CACNA2D3: variants seen among roughly 807,000 people sequenced by gnomAD.
CACNA2D3 encodes voltage-dependent calcium channel subunit alpha-2/delta-3.
In CACNA2D3, 60 loss-of-function variants were observed where a neutral mutation model predicts 160.6. The ratio of observed to expected loss-of-function variants is 0.37; its 90% CI spans 0.30 to 0.46. The LOEUF is 0.46. Among genes scored for constraint, CACNA2D3 ranks in the 20% least tolerant of loss-of-function variants. CACNA2D3 has a pLI of 1.00. For synonymous variants in CACNA2D3, 558 were observed against 492.9 expected (o/e 1.13, Z -1.75); for missense variants, 1,205 against 1,365.0 (o/e 0.88, Z 1.85).
chr3:54,813,851 G>C lies in CACNA2D3; in HGVS notation c.1381-3002G>C, dbSNP rs1399607008. Among the ~76,000 whole-genome samples, 3 of 150,070 alleles carry C rather than the reference G, an allele frequency of 2.0e-5. No individual in the cohort carries two copies. The East Asian group carries it at 5.9e-4, about 30-fold the overall frequency. ...TTATTTATAACAAATTCTGCTATTT[G>C]GTTATAATATTCTTTTTTTTTTTTT... On this transcript the variant is annotated intron_variant, in intron 13 of 37. Transcript: ENST00000474759.
chr3:54,152,473 A>G (rs1700170288), intron 2 of CACNA2D3, among the ~76,000 whole-genome samples: 2 of 152,240 alleles, frequency 1.3e-5, no homozygotes, highest in African/African-American at 4.8e-5. Flanking sequence ...TGAACAGTCT[A>G]GCAAATAGTA....
At chr3:54,449,322 CTA>C (rs1333921309) in intron 4 of CACNA2D3, among the ~76,000 whole-genome samples, 13 of 152,166 alleles carry the variant, frequency 8.5e-5, no homozygotes, top group East Asian at 1.9e-4. Context: ...GAATTTATCT[CTA>C]TGTGTAGCTG....
chr3:54,939,923 G>C (rs1215769951), intron 27 of CACNA2D3, among the ~76,000 whole-genome samples: 1 of 152,230 alleles, frequency 6.6e-6, no homozygotes, highest in Non-Finnish European at 1.5e-5. Context: ...GAAGAAAGTG[G>C]AAGTGGAATG....
At chr3:54,767,171 TA>T (rs540045766) in intron 13 of CACNA2D3, among the ~76,000 whole-genome samples, 23 of 152,030 alleles carry the variant, frequency 1.5e-4, no homozygotes, top group African/African-American at 5.5e-4. Context: ...ATTCAAAAAT[TA>T]AACAAGATTG....
At chr3:54,367,558 A>G (rs189752652) in intron 3 of CACNA2D3, 543 of 359,834 alleles carry the variant, frequency 1.5e-3, no homozygotes, top group Admixed American at 3.3e-3. Flanking sequence ...GAAACCCATC[A>G]GAGTGGTAAA....
At chr3:54,459,946 T>C (rs968343069) in intron 4 of CACNA2D3, among the ~76,000 whole-genome samples, 14 of 152,346 alleles carry the variant, frequency 9.2e-5, no homozygotes, top group African/African-American at 3.4e-4. Flanking sequence ...AATTAATTTT[T>C]TGTATAAGGT....
chr3:54,848,667 C>T (rs1444137476), intron 17 of CACNA2D3, among the ~76,000 whole-genome samples: 1 of 152,210 alleles, frequency 6.6e-6, no homozygotes, highest in African/African-American at 2.4e-5. Flanking sequence ...GACTTGAGTT[C>T]TGCATTTTCC....
intron 11 of CACNA2D3, among the ~76,000 whole-genome samples, chr3:54,718,432 A>G (rs183556440): frequency 8.9e-4 from 136 of 152,206 alleles, no homozygotes; most frequent in African/African-American, 3.0e-3. Flanking sequence ...TTTTCTCCAT[A>G]TAGTTGATGC....
intron 2 of CACNA2D3, among the ~76,000 whole-genome samples, chr3:54,233,759 G>A (rs1701822364): frequency 6.6e-6 from 1 of 152,202 alleles, no homozygotes; most frequent in African/African-American, 2.4e-5. Context: ...AGAAGTTGGG[G>A]ATCCTTAAGC....
intron 10 of CACNA2D3, chr3:54,632,528 C>G (rs1699263777): frequency 6.6e-6 from 1 of 152,208 alleles, no homozygotes; most frequent in African/African-American, 2.4e-5. Context: ...GGGTACAAGG[C>G]TGTTTTTTCT....
At chr3:54,859,170 C>G (rs571944415) in intron 17 of CACNA2D3, among the ~76,000 whole-genome samples, 27 of 152,240 alleles carry the variant, frequency 1.8e-4, no homozygotes, top group Non-Finnish European at 3.8e-4. Context: ...CTCAAACCTC[C>G]AAATAATTAT....
intron 4 of CACNA2D3, among the ~76,000 whole-genome samples, chr3:54,423,323 T>C (rs2106755573): frequency 6.6e-6 from 1 of 152,228 alleles, no homozygotes; most frequent in Non-Finnish European, 1.5e-5. Flanking sequence ...AATTAGAGGG[T>C]AAATATTCAT....
chr3:54,569,122 G>T (rs1218074607), intron 6 of CACNA2D3, among the ~76,000 whole-genome samples: 1 of 152,184 alleles, frequency 6.6e-6, no homozygotes, highest in Non-Finnish European at 1.5e-5. Context: ...TAAAAACTAA[G>T]TTGGATATAT....
At chr3:54,687,854 A>C (rs1700498916) in intron 11 of CACNA2D3, among the ~76,000 whole-genome samples, 1 of 152,228 alleles carries the variant, frequency 6.6e-6, no homozygotes. Flanking sequence ...ATATGCTGTC[A>C]CTAGAACGAC....
At chr3:54,712,241 T>G (rs1420418045) in intron 11 of CACNA2D3, among the ~76,000 whole-genome samples, 3 of 152,234 alleles carry the variant, frequency 2.0e-5, no homozygotes, top group African/African-American at 2.4e-5. Context: ...CAACTCCATT[T>G]ACTATCTGAC....
At chr3:54,995,996 G>C in intron 31 of CACNA2D3, among the ~76,000 whole-genome samples, 1 of 152,194 alleles carries the variant, frequency 6.6e-6, no homozygotes, top group Non-Finnish European at 1.5e-5. Flanking sequence ...CCGTGTGCCT[G>C]CCTGACCCCA....
intron 17 of CACNA2D3, among the ~76,000 whole-genome samples, chr3:54,857,164 CT>C (rs1355875809): frequency 6.6e-6 from 1 of 152,146 alleles, no homozygotes; most frequent in Non-Finnish European, 1.5e-5. Flanking sequence ...TGTACAAAAA[CT>C]CTGAGGCATG....
At chr3:54,333,503 C>G (rs1027291131) in intron 3 of CACNA2D3, among the ~76,000 whole-genome samples, 4 of 152,040 alleles carry the variant, frequency 2.6e-5, no homozygotes, top group African/African-American at 9.7e-5. Flanking sequence ...TCTCAGTGAT[C>G]AGAGGCTGTG....
intron 14 of CACNA2D3, among the ~76,000 whole-genome samples, chr3:54,833,528 G>A (rs1045571369): frequency 7.9e-5 from 12 of 152,084 alleles, no homozygotes; most frequent in African/African-American, 1.7e-4. Context: ...CCCTAGCAAC[G>A]TGTTGGGGGA....
Sources: allele counts gnomAD v4.1 joint callset (sites outside exome capture counted in the v4.1 genomes callset), GRCh38; gene constraint gnomAD v4.1.1; transcripts MANE v1.5; gene names NCBI Gene and HGNC (gene_info 2026-07-23, HGNC 2026-07-21).